UBE2W: variants seen among roughly 807,000 people sequenced by gnomAD.
UBE2W encodes the protein ubiquitin conjugating enzyme E2 W.
In UBE2W, 18 loss-of-function variants were observed where a neutral mutation model predicts 27.2. The ratio of observed to expected loss-of-function variants is 0.66; its 90% confidence interval spans 0.46 to 0.98. The LOEUF (loss-of-function observed/expected upper bound fraction) is 0.98, where lower values mean the gene tolerates loss of function less well. Ranked by LOEUF, UBE2W falls within the 50% of genes least tolerant of loss-of-function variation. UBE2W has a pLI of 0.00. For missense variants in UBE2W, 90 were observed against 180.2 expected, an observed-to-expected ratio of 0.50 and a Z score of 2.87; for synonymous variants, 53 against 57.2, an observed-to-expected ratio of 0.93 and a Z score of 0.33.
chr8:73,782,828 C>T (rs1807868458), downstream of UBE2W, among the ~76,000 whole-genome samples: 1 of 152,178 alleles, frequency 6.6e-6, no homozygotes, highest in East Asian at 1.9e-4. Context: ...ATGTGCATAA[C>T]TTTTAAAGAA....
chr8:73,828,976 T>C (rs1430174095), intron 2 of UBE2W, among the ~76,000 whole-genome samples: 2 of 152,166 alleles, frequency 1.3e-5, no homozygotes, highest in African/African-American at 2.4e-5. Context: ...TCTGATTCTT[T>C]ATAAGACTAT....
rs1808255290 is a variant in UBE2W, at chr8:73,792,789, A to C, written c.*1313T>G. ...GGTACTGAGAACTGGACCTTTCAAC[A>C]ATTTTTTTTTTCTATAGAAAGTTTC... is the stretch of plus-strand genomic sequence containing the variant. On this transcript the variant is annotated 3_prime_UTR_variant, in exon 6 of 6. Transcript: ENST00000602593. The C allele has an allele frequency of 3.0e-6, 3 of 985,570 alleles. No individual in the cohort carries two copies. Among genetic ancestry groups the C allele is most frequent in the Non-Finnish European group, 3.6e-6 (3 of 829,806 alleles). 61.1% of individuals were successfully genotyped at this position (985,570 alleles called of 1,614,324 possible). A position where few individuals can be genotyped will look rare whatever the true frequency, so the allele number is the denominator to read the frequency against.
At chr8:73,824,712 A>G (rs563673191) in intron 3 of UBE2W, among the ~76,000 whole-genome samples, 27 of 152,312 alleles carry the variant, frequency 1.8e-4, no homozygotes, top group African/African-American at 6.5e-4. Flanking sequence ...GATCCCTCAC[A>G]TGTGCAGTTC....
chr8:73,827,755 G>A (rs1809911401), intron 2 of UBE2W, among the ~76,000 whole-genome samples: 1 of 151,846 alleles, frequency 6.6e-6, no homozygotes, highest in South Asian at 2.1e-4. Context: ...GCCCAGTCCG[G>A]TCTTGAACTC....
chr8:73,805,588 A>G, intron 5 of UBE2W, 63 bp downstream of exon 5: 1 of 991,726 alleles, frequency 1.0e-6, no homozygotes, highest in Non-Finnish European at 1.4e-6. Flanking sequence ...CAAGTCTTAT[A>G]GCAAATATAT....
intron 1 of UBE2W, among the ~76,000 whole-genome samples, chr8:73,866,317 A>G (rs1464084441): frequency 9.3e-5 from 13 of 139,768 alleles, no homozygotes; most frequent in Non-Finnish European, 1.4e-4. Flanking sequence ...ATATATATAT[A>G]TACTCAGCAA....
chr8:73,815,927 T>C (rs1329556535), intron 3 of UBE2W, among the ~76,000 whole-genome samples: 1 of 152,196 alleles, frequency 6.6e-6, no homozygotes, highest in African/African-American at 2.4e-5. Flanking sequence ...AAACTGAACA[T>C]ACAAGCAATC....
chr8:73,806,256 T>C (rs1389958954), intron 4 of UBE2W, among the ~76,000 whole-genome samples: 1 of 151,878 alleles, frequency 6.6e-6, no homozygotes, highest in South Asian at 2.1e-4. Flanking sequence ...CCGGGCGCAG[T>C]GGTGGGCATC....
At chr8:73,864,750 T>TGGGGGGGGGGG (rs71269956) in intron 1 of UBE2W, among the ~76,000 whole-genome samples, 5 of 88,550 alleles carry the variant, frequency 5.6e-5, no homozygotes, top group African/African-American at 2.4e-4. Context: ...CAAATTTTTT[T>TGGGGGGGGGGG]GGGGGGGGGG....
At chr8:73,870,871 G>A (rs1811981311) in intron 1 of UBE2W, among the ~76,000 whole-genome samples, 1 of 149,232 alleles carries the variant, frequency 6.7e-6, no homozygotes, top group African/African-American at 2.5e-5. Context: ...TCATCCAGAT[G>A]TGTGAGAAGA....
At chr8:73,785,596 C>A (rs1807926323), downstream of UBE2W, among the ~76,000 whole-genome samples, 1 of 151,690 alleles carries the variant, frequency 6.6e-6, no homozygotes, top group Non-Finnish European at 1.5e-5. Flanking sequence ...CCCTGGCACC[C>A]ATCCACTCTC....
At chr8:73,826,224 A>G (rs1414131286) in intron 2 of UBE2W, among the ~76,000 whole-genome samples, 2 of 152,236 alleles carry the variant, frequency 1.3e-5, no homozygotes, top group Non-Finnish European at 1.5e-5. Context: ...AATCATAAAC[A>G]TAAATGTGTT....
At chr8:73,846,502 T>C (rs1198615781) in intron 1 of UBE2W, among the ~76,000 whole-genome samples, 1 of 152,176 alleles carries the variant, frequency 6.6e-6, no homozygotes, top group African/African-American at 2.4e-5. Flanking sequence ...ACCAAACACA[T>C]TAGTAATCAG....
At chr8:73,782,233 C>T (rs1420917561), downstream of UBE2W, among the ~76,000 whole-genome samples, 2 of 151,954 alleles carry the variant, frequency 1.3e-5, no homozygotes, top group African/African-American at 4.8e-5. Context: ...AGGCATGAGC[C>T]ACTGTGCCTG....
chr8:73,786,710 C>T lies in UBE2W; in HGVS notation c.*7392G>A. 1 of 985,342 alleles carries T rather than the reference C, an allele frequency of 1.0e-6. No individual in the cohort carries two copies. Among genetic ancestry groups the T allele is most frequent in the Non-Finnish European group, 1.2e-6 (1 of 829,936 alleles). The allele number at this position is 985,342 out of a possible 1,614,324, so 61.0% of individuals were successfully genotyped here. ...ACAGCTGAAGAGCAGCCTAGGGACA[C>T]CAAGGCCAGGTAGTGAAAGGCCCTA... On this transcript the variant is annotated 3_prime_UTR_variant, in exon 6 of 6. Coordinates refer to ENST00000602593, the MANE Select transcript of UBE2W (RefSeq NM_018299.6).
intron 3 of UBE2W, among the ~76,000 whole-genome samples, chr8:73,814,110 T>A (rs1317942724): frequency 6.6e-6 from 1 of 152,204 alleles, no homozygotes. Context: ...TTTCTTCAAC[T>A]GCATACTGTT....
intron 1 of UBE2W, among the ~76,000 whole-genome samples, chr8:73,844,625 G>A (rs1376515712): frequency 6.6e-6 from 1 of 151,546 alleles, no homozygotes; most frequent in Non-Finnish European, 1.5e-5. Context: ...GGGATGTGAG[G>A]AGCCCCTCTG....
At chr8:73,804,775 G>A (rs1485176240) in intron 5 of UBE2W, among the ~76,000 whole-genome samples, 1 of 151,648 alleles carries the variant, frequency 6.6e-6, no homozygotes, top group Non-Finnish European at 1.5e-5. Context: ...CTGTCACCCA[G>A]GCTGGAGTAG....
chr8:73,798,836 G>A (rs1312210205), intron 5 of UBE2W, among the ~76,000 whole-genome samples: 1 of 152,094 alleles, frequency 6.6e-6, no homozygotes, highest in African/African-American at 2.4e-5. Flanking sequence ...GTTTTCTAAG[G>A]AAGATTCTAG....
Sources: allele counts gnomAD v4.1 joint callset (sites outside exome capture counted in the v4.1 genomes callset), GRCh38; gene constraint gnomAD v4.1.1; transcripts MANE v1.5; gene names NCBI Gene and HGNC (gene_info 2026-07-23, HGNC 2026-07-21).